Variants in PYGO1 observed in about 807,000 individuals in gnomAD.
The protein encoded by PYGO1 is pygopus homolog 1.
PYGO1 carries 6 observed loss-of-function variants against 29.5 expected under a neutral mutation model. The ratio of observed to expected loss-of-function variants is 0.20; its 90% CI spans 0.11 to 0.40. PYGO1 has a LOEUF of 0.40. PYGO1 is among the 10% of genes least tolerant of loss of function. The pLI, the probability that PYGO1 is intolerant of heterozygous loss-of-function variation, is 1.00. For missense variants in PYGO1, 515 were observed against 514.9 expected (o/e 1.00, Z 0.00); for synonymous variants, 186 against 180.5 (o/e 1.03, Z -0.24).
Position 55,587,953 on chromosome 15 carries a change from T to A in PYGO1, c.-70A>T. 1 of 1,434,454 alleles carries A rather than the reference T, an allele frequency of 7.0e-7. No homozygotes were observed. Among genetic ancestry groups the A allele is most frequent in the Non-Finnish European group, 9.2e-7 (1 of 1,088,784 alleles). The allele number at this position is 1,434,454 out of a possible 1,614,324, so 88.9% of individuals were successfully genotyped here. Reference sequence around the variant, plus strand: ...GTCTCTTTGATGCTGCGGCGGCGGCTCCTCCTCCTCGCGGGGCCGCTGCGG... The same window carrying A: ...GTCTCTTTGATGCTGCGGCGGCGGCACCTCCTCCTCGCGGGGCCGCTGCGG... On this transcript the variant is annotated 5_prime_UTR_variant, in exon 1 of 3. Transcript: ENST00000563719.
intron 1 of PYGO1, among the ~76,000 whole-genome samples, chr15:55,563,184 T>A (rs913406145): frequency 6.6e-6 from 1 of 151,886 alleles, no homozygotes; most frequent in African/African-American, 2.4e-5. Context: ...GGGAAAATAT[T>A]TGCAAATAAT....
At chr15:55,588,842 T>A, upstream of PYGO1, 1 of 1,613,888 alleles carries the variant, frequency 6.2e-7, no homozygotes. Context: ...TGGAGAGTTC[T>A]CGGCGGGCAT....
chr15:55,556,811 C>T (rs2058907786), intron 1 of PYGO1, among the ~76,000 whole-genome samples: 1 of 151,770 alleles, frequency 6.6e-6, no homozygotes, highest in Non-Finnish European at 1.5e-5. Context: ...GGGATATCAC[C>T]ACTGACCCCA....
At chr15:55,568,136 A>G (rs892559736) in intron 1 of PYGO1, among the ~76,000 whole-genome samples, 3 of 152,186 alleles carry the variant, frequency 2.0e-5, no homozygotes, top group African/African-American at 7.2e-5. Context: ...TTTGATAGAA[A>G]TAGTGTTCAA....
rs2058849586 is a variant in PYGO1 at position 55,546,265 on chromosome 15, C to G, written c.1018G>C (p.Val340Leu). 9 of 1,614,184 alleles carry G rather than the reference C, an allele frequency of 5.6e-6. No individual in the cohort carries two copies. The East Asian group carries it at 1.8e-4, about 32-fold the overall frequency. ...NRHGHSSSDPVYPCGICTNEV... is the reference protein window; with the variant it reads ...NRHGHSSSDPLYPCGICTNEV... ...TTTGTACAAATTCCACAAGGATACA[C>G]TGGGTCAGAAGACGAATGGCCATGA... The change falls in exon 3 of 3, where the codon GTG (valine) becomes CTG (leucine). Residue 340 changes from valine to leucine, a missense_variant. Coordinates refer to ENST00000563719, the MANE Select transcript of PYGO1 (RefSeq NM_001367806.1).
intron 1 of PYGO1, among the ~76,000 whole-genome samples, chr15:55,577,105 A>G (rs2059006300): frequency 6.6e-6 from 1 of 152,156 alleles, no homozygotes; most frequent in Non-Finnish European, 1.5e-5. Flanking sequence ...ATCTTCAAAG[A>G]TGTGGGACAG....
chr15:55,564,293 G>T (rs982204781), intron 1 of PYGO1, among the ~76,000 whole-genome samples: 1 of 152,158 alleles, frequency 6.6e-6, no homozygotes, highest in Non-Finnish European at 1.5e-5. Context: ...TGAAAATGTT[G>T]TAAGTAAAAG....
chr15:55,583,841 T>C (rs62021876), intron 1 of PYGO1, among the ~76,000 whole-genome samples: 8,235 of 152,158 alleles, frequency 0.054, 277 homozygotes, highest in Middle Eastern at 0.068. Context: ...AAATGTGGTT[T>C]CCTCCTAAAA....
intron 1 of PYGO1, among the ~76,000 whole-genome samples, chr15:55,571,677 C>T (rs1474676139): frequency 6.6e-6 from 1 of 152,186 alleles, no homozygotes; most frequent in African/African-American, 2.4e-5. Flanking sequence ...CCACATGGAA[C>T]TGTAAGTCCA....
At chr15:55,570,882 A>G (rs2058977386) in intron 1 of PYGO1, among the ~76,000 whole-genome samples, 3 of 152,140 alleles carry the variant, frequency 2.0e-5, no homozygotes, top group Admixed American at 2.0e-4. Flanking sequence ...TTTTAATTGT[A>G]GTAAAACACA....
rs80120046 is a variant in PYGO1, at chr15:55,563,921, G to A, written c.50-14926C>T. 5.4e-3 allele frequency among the ~76,000 whole-genome samples: 825 copies of A among 152,318 alleles called. 8 individuals are homozygous for A. Among genetic ancestry groups the A allele is most frequent in the African/African-American group, 0.019 (785 of 41,574 alleles). ...ACAAATAATAACAAGCATTGGCAAAGATATGGAGAAACTGGAACCCTCATA... is the reference window on the plus strand; with the variant it reads ...ACAAATAATAACAAGCATTGGCAAAAATATGGAGAAACTGGAACCCTCATA... On this transcript the variant is annotated intron_variant, in intron 1 of 2. Coordinates refer to ENST00000563719, the MANE Select transcript of PYGO1 (RefSeq NM_001367806.1).
rs549794496 is a variant in PYGO1, at chr15:55,549,088, T to G, written c.50-93A>C. The G allele has an allele frequency of 5.2e-4, 493 of 952,930 alleles. 1 individual carries two copies. In the African/African-American group the frequency reaches 7.8e-3, roughly 15 times the overall value. 59.0% of individuals were successfully genotyped at this position (952,930 alleles called of 1,614,324 possible). A position where few individuals can be genotyped will look rare whatever the true frequency, so the allele number is the denominator to read the frequency against. On this transcript the variant is annotated intron_variant, in intron 1 of 2. Transcript: ENST00000563719. ...TATCTATTATATTTACCTGTTAATG[T>G]TTTCTATTTTCGTTAGACAAGAGCA... is the stretch of plus-strand genomic sequence containing the variant.
chr15:55,546,568 G>C lies in PYGO1; in HGVS notation c.715C>G (p.Gln239Glu). The C allele has an allele frequency of 1.9e-6, 3 of 1,614,054 alleles. No homozygotes were observed. Among genetic ancestry groups the C allele is most frequent in the Non-Finnish European group, 2.5e-6 (3 of 1,180,012 alleles). Residue 239 changes from glutamine to glutamate, a missense_variant, in exon 3 of 3, where the codon CAA (glutamine) becomes GAA (glutamate). Physicochemically the swap from Gln to Glu is conservative, Grantham distance 29. Transcript: ENST00000563719. ...FGQAKAPPPK[Q>E]DFTQGATKNT... The stretch of plus-strand genomic sequence containing the variant: ...TTGGTTGCTCCTTGAGTAAAGTCTT[G>C]TTTTGGGGGTGGTGCTTTTGCTTGA...
chr15:55,570,093 A>G (rs955489965), intron 1 of PYGO1, among the ~76,000 whole-genome samples: 5 of 152,192 alleles, frequency 3.3e-5, no homozygotes, highest in Admixed American at 3.3e-4. Flanking sequence ...AAGGTCAGTC[A>G]GAGAGAGGGG....
rs2058831875 is a variant in PYGO1 at position 55,542,480 on chromosome 15, ATCTAAT to A, written c.*3537_*3542del. On this transcript the variant is annotated 3_prime_UTR_variant, in exon 3 of 3. Transcript: ENST00000563719. ...CACAAAAGGAAAACACTGATCACAA[ATCTAAT>A]TCTAAGCACTCTGTCTGAAGAACAA... 6.6e-6 allele frequency: 1 copy of A among 152,234 alleles called. No individual in the cohort carries two copies. Among genetic ancestry groups the A allele is most frequent in the Admixed American group, 6.5e-5 (1 of 15,286 alleles). 9.4% of individuals were successfully genotyped at this position (152,234 alleles called of 1,614,324 possible). A position where few individuals can be genotyped will look rare whatever the true frequency, so the allele number is the denominator to read the frequency against.
chr15:55,550,591 C>A (rs763864), intron 1 of PYGO1, among the ~76,000 whole-genome samples: 2 of 152,282 alleles, frequency 1.3e-5, no homozygotes, highest in Admixed American at 1.3e-4. Flanking sequence ...GTTCTCATAA[C>A]CCCAACTTCT....
At chr15:55,574,497 A>C (rs538448655) in intron 1 of PYGO1, among the ~76,000 whole-genome samples, 2 of 152,336 alleles carry the variant, frequency 1.3e-5, no homozygotes, top group African/African-American at 4.8e-5. Context: ...TAGTGTCTAC[A>C]TATATTTTAT....
In PYGO1 at chr15:55,573,458, T is replaced by G. The variant is rs536719236; in HGVS notation, c.49+14377A>C. ...TTCCTCAAGAAATTAAAAATAGAAC[T>G]ACTTTATGATCCAGTAATCCAACTT... On this transcript the variant is annotated intron_variant, in intron 1 of 2. Transcript: ENST00000563719. Among the ~76,000 whole-genome samples, 5 of 152,270 alleles carry G rather than the reference T, an allele frequency of 3.3e-5. No individual in the cohort carries two copies. The East Asian group carries it at 9.6e-4, about 29-fold the overall frequency.
intron 1 of PYGO1, among the ~76,000 whole-genome samples, chr15:55,575,713 T>C (rs867415857): frequency 6.6e-6 from 1 of 152,118 alleles, no homozygotes; most frequent in African/African-American, 2.4e-5. Context: ...TAAATCTAGT[T>C]TGTAGTATTT....
Sources: gnomAD v4.1 joint callset for allele counts (sites outside exome capture counted in the v4.1 genomes callset) on GRCh38, gnomAD v4.1.1 for gene constraint, MANE v1.5 for transcripts, NCBI Gene and HGNC (gene_info 2026-07-23, HGNC 2026-07-21) for gene names.